Variants in RGS6 observed in about 807,000 individuals in gnomAD.
RGS6 encodes the protein regulator of G-protein signaling 6.
In RGS6, 30 loss-of-function variants were observed where a neutral mutation model predicts 78.5. That is an observed-to-expected ratio of 0.38 (90% CI 0.29 to 0.52). RGS6 has a LOEUF of 0.52. Ranked by LOEUF, RGS6 falls within the 20% of genes least tolerant of loss-of-function variation. The probability of loss-of-function intolerance (pLI) is 0.85; values close to 1 mark genes in which losing one functional copy is unlikely to be tolerated. For missense variants in RGS6, 495 were observed against 609.7 expected (o/e 0.81, Z 1.98); for synonymous variants, 206 against 206.0 (o/e 1.00, Z 0.00).
At chr14:72,410,385 C>T (rs1442847436) in intron 3 of RGS6, among the ~76,000 whole-genome samples, 1 of 152,166 alleles carries the variant, frequency 6.6e-6, no homozygotes, top group Non-Finnish European at 1.5e-5. Flanking sequence ...AGTGTCTGTT[C>T]ATATCCTTTG....
chr14:72,612,486 C>CA, the RGS6 span: 1 of 518,550 alleles, frequency 1.9e-6, no homozygotes, highest in Non-Finnish European at 3.8e-6. Flanking sequence ...TGAAAATGTG[C>CA]ACGGGGTATA....
intron 12 of RGS6, among the ~76,000 whole-genome samples, chr14:72,489,164 A>C (rs4346150): frequency 0.62 from 88,498 of 143,612 alleles, 28,219 homozygotes; most frequent in East Asian, 0.95. Context: ...GGGCCCCCCC[A>C]CCGGCTGTTT....
intron 2 of RGS6, among the ~76,000 whole-genome samples, chr14:71,980,453 C>T (rs1216328494): frequency 1.4e-5 from 2 of 144,320 alleles, no homozygotes; most frequent in African/African-American, 5.2e-5. Flanking sequence ...TTAGGGCAGG[C>T]CTGGTGGTGA....
At chr14:71,868,533 T>C in the RGS6 span, among the ~76,000 whole-genome samples, 2 of 152,348 alleles carry the variant, frequency 1.3e-5, no homozygotes, top group African/African-American at 4.8e-5. Context: ...TTTACATCAA[T>C]GGTATGCTCT....
the RGS6 span, among the ~76,000 whole-genome samples, chr14:71,918,282 G>A: frequency 6.7e-6 from 1 of 148,526 alleles, no homozygotes; most frequent in Non-Finnish European, 1.5e-5. Context: ...TTAAAATGGT[G>A]GTTCTTAGAT....
chr14:72,018,216 AT>A (rs1449904965), intron 2 of RGS6, among the ~76,000 whole-genome samples: 1 of 152,286 alleles, frequency 6.6e-6, no homozygotes, highest in Non-Finnish European at 1.5e-5. Context: ...ATTAAAAAAA[AT>A]CATGATTGAA....
intron 1 of RGS6, among the ~76,000 whole-genome samples, chr14:71,949,646 T>C (rs931695712): frequency 4.6e-5 from 7 of 152,156 alleles, no homozygotes; most frequent in Admixed American, 2.6e-4. Flanking sequence ...TTTTGATGAA[T>C]TGGAGATCTC....
At chr14:72,148,770 G>C (rs2096642629) in intron 2 of RGS6, among the ~76,000 whole-genome samples, 2 of 152,204 alleles carry the variant, frequency 1.3e-5, no homozygotes, top group Admixed American at 1.3e-4. Context: ...CAAGATTTAG[G>C]AGGAAAGTTG....
At chr14:72,366,221 A>C (rs188783197) in intron 3 of RGS6, among the ~76,000 whole-genome samples, 1 of 152,168 alleles carries the variant, frequency 6.6e-6, no homozygotes, top group Admixed American at 6.6e-5. Flanking sequence ...GATCAGGACA[A>C]ACTCATAGGT....
intron 2 of RGS6, among the ~76,000 whole-genome samples, chr14:72,021,212 C>G (rs1423204164): frequency 6.6e-6 from 1 of 152,124 alleles, no homozygotes; most frequent in Non-Finnish European, 1.5e-5. Flanking sequence ...ACAGCAAAAT[C>G]TTCTTTCCCA....
intron 2 of RGS6, among the ~76,000 whole-genome samples, chr14:72,283,847 G>A (rs1055142218): frequency 6.6e-6 from 1 of 152,230 alleles, no homozygotes; most frequent in African/African-American, 2.4e-5. Context: ...ATGTGGGAAA[G>A]TTTGGAACTT....
At chr14:72,313,339 T>C (rs2069134652) in intron 2 of RGS6, among the ~76,000 whole-genome samples, 1 of 152,168 alleles carries the variant, frequency 6.6e-6, no homozygotes, top group African/African-American at 2.4e-5. Flanking sequence ...GAGCTCAGGG[T>C]CTTGTGCAAC....
At chr14:72,192,601 T>C (rs754471466) in intron 2 of RGS6, among the ~76,000 whole-genome samples, 2 of 152,244 alleles carry the variant, frequency 1.3e-5, no homozygotes, top group Non-Finnish European at 2.9e-5. Flanking sequence ...TGCCAATTTC[T>C]AGACCTCCCC....
chr14:72,212,140 A>C (rs1327680314), intron 2 of RGS6, among the ~76,000 whole-genome samples: 1 of 152,200 alleles, frequency 6.6e-6, no homozygotes, highest in African/African-American at 2.4e-5. Flanking sequence ...ATAAAATTAG[A>C]ATAGCTGTGA....
intron 2 of RGS6, among the ~76,000 whole-genome samples, chr14:72,060,355 G>GCGCC (rs1478452539): frequency 2.8e-5 from 4 of 140,786 alleles, no homozygotes; most frequent in African/African-American, 1.0e-4. Context: ...CTTGTCCCCT[G>GCGCC]CGCCACCCCT....
At chr14:72,277,388 G>T (rs1226392093) in intron 2 of RGS6, among the ~76,000 whole-genome samples, 1 of 151,444 alleles carries the variant, frequency 6.6e-6, no homozygotes, top group Non-Finnish European at 1.5e-5. Context: ...ATGAGGTCAG[G>T]AGATCGAGAC....
At chr14:72,469,968 A>G (rs763386405) in intron 7 of RGS6, 39 bp from the exon 8 acceptor site, 1 of 1,485,252 alleles carries the variant, frequency 6.7e-7, no homozygotes, top group Non-Finnish European at 9.4e-7. Context: ...CTAATTTACG[A>G]TGATTAATGC....
At chr14:72,042,656 T>G (rs528247080) in intron 2 of RGS6, among the ~76,000 whole-genome samples, 10 of 148,148 alleles carry the variant, frequency 6.8e-5, no homozygotes, top group Non-Finnish European at 1.0e-4. Flanking sequence ...ACTTTTTTTT[T>G]CATGTTAAAC....
chr14:72,031,032 C>A (rs892698677), intron 2 of RGS6, among the ~76,000 whole-genome samples: 6 of 150,126 alleles, frequency 4.0e-5, no homozygotes, highest in Admixed American at 3.3e-4. Flanking sequence ...ACACAGGATG[C>A]AAGACTCTTA....
Sources: allele counts gnomAD v4.1 joint callset (sites outside exome capture counted in the v4.1 genomes callset), GRCh38; gene constraint gnomAD v4.1.1; transcripts MANE v1.5; gene names NCBI Gene and HGNC (gene_info 2026-07-23, HGNC 2026-07-21).